DUOX2: variants seen among roughly 807,000 people sequenced by gnomAD.
DUOX2 encodes dual oxidase 2.
In DUOX2, 185 loss-of-function variants were observed where a neutral mutation model predicts 183.3. That is an observed-to-expected ratio of 1.01 (90% CI 0.90 to 1.14). The LOEUF (loss-of-function observed/expected upper bound fraction) is 1.14. Ranked by LOEUF, DUOX2 falls within the 50% of genes most tolerant of loss-of-function variation. The pLI, the probability that DUOX2 is intolerant of heterozygous loss-of-function variation, is 0.00. For missense variants in DUOX2, 1,999 were observed against 2,022.9 expected (o/e 0.99, Z 0.23); for synonymous variants, 788 against 812.4 (o/e 0.97, Z 0.51).
chr15:45,112,203 G>A (rs1894446639), intron 4 of DUOX2, among the ~76,000 whole-genome samples: 1 of 152,180 alleles, frequency 6.6e-6, no homozygotes, highest in Non-Finnish European at 1.5e-5. Context: ...TTATGTAGGG[G>A]TACCCCAAGT....
chr15:45,097,159 G>A (rs1178375056), intron 29 of DUOX2, 79 bp downstream of exon 29: 12 of 1,600,566 alleles, frequency 7.5e-6, no homozygotes, highest in Non-Finnish European at 1.0e-5. Flanking sequence ...ATGGGGTCAG[G>A]AGACCTGGTG....
chr15:45,105,779 A>G lies in DUOX2; in HGVS notation c.2198T>C (p.Leu733Pro). 2 of 1,614,242 alleles carry G rather than the reference A, an allele frequency of 1.2e-6. No individual in the cohort carries two copies. Among genetic ancestry groups the G allele is most frequent in the Non-Finnish European group, 1.7e-6 (2 of 1,180,038 alleles). Residue 733 changes from leucine (L) to proline (P), a missense_variant, in exon 18 of 34, where the codon CTA becomes CCA. By Grantham distance (98) the Leu-to-Pro change is moderately conservative (BLOSUM62 -3). Transcript: ENST00000389039. ...EEERGAFVQQLWDFCVRWALG... is the reference protein window; with the variant it reads ...EEERGAFVQQPWDFCVRWALG... Reference sequence around the variant, plus strand: ...AGCCCAGCGCACGCAGAAGTCCCATAGCTGCTGCACAAAGGCGCCCCGTTC... The same window carrying G: ...AGCCCAGCGCACGCAGAAGTCCCATGGCTGCTGCACAAAGGCGCCCCGTTC...
chr15:45,109,199 A>G (rs1894312492), intron 11 of DUOX2: 1 of 614,756 alleles, frequency 1.6e-6, no homozygotes, highest in African/African-American at 1.8e-5. Context: ...CCAAGCAGTA[A>G]ATTCCCTGTC....
rs1169208524 is a variant in DUOX2 at position 45,097,283 on chromosome 15, T to G, written c.3802A>C (p.Lys1268Gln). The G allele has an allele frequency of 6.2e-7, 1 of 1,614,226 alleles. No individual in the cohort carries two copies. Among genetic ancestry groups the G allele is most frequent in the African/African-American group, 1.3e-5 (1 of 75,054 alleles). The change falls in exon 29 of 34, where the codon AAG (lysine) becomes CAG (glutamine). Residue 1268 changes from lysine (K) to glutamine (Q), a missense_variant. By Grantham distance (53) the Lys-to-Gln change is moderately conservative (BLOSUM62 1). Transcript: ENST00000389039. ...GGDKLVSLSRKKVEISVVKAE... is the reference protein window; with the variant it reads ...GGDKLVSLSRQKVEISVVKAE... ...TTCACCACGCTGATCTCCACCTTCT[T>G]CCGGCTCAGGCTCACCAGCTTGTCA...
At chr15:45,102,681 G>T (rs1894112336) in intron 20 of DUOX2, among the ~76,000 whole-genome samples, 1 of 152,196 alleles carries the variant, frequency 6.6e-6, no homozygotes, top group Non-Finnish European at 1.5e-5. Flanking sequence ...CTGAGTTACA[G>T]GACAAGAAGG....
At position 45,095,940 on chromosome 15, in the gene DUOX2, G is replaced by A. The variant is rs78020568; in HGVS notation, c.3968C>T (p.Ala1323Val). ...CAGGCTGAGTGTGTCCTCATGGGGC[G>A]CGGAGGTCAGTGTGAAGGGGTGGTA... ...TEYHPFTLTS[A>V]PHEDTLSLHI... The change falls in exon 30 of 34, where the codon GCG becomes GTG. Residue 1323 changes from alanine (A) to valine (V), a missense_variant. Transcript: ENST00000389039. 47 of 1,614,032 alleles carry A rather than the reference G, an allele frequency of 2.9e-5. No homozygotes were observed. In the East Asian group the frequency reaches 4.0e-4, roughly 14 times the overall value.
chr15:45,110,608 C>T, intron 8 of DUOX2, 42 bp downstream of exon 8: 3 of 1,613,688 alleles, frequency 1.9e-6, no homozygotes, highest in South Asian at 2.2e-5. Context: ...TCCTTCCCCT[C>T]AGGATTCTCC....
At chr15:45,105,580 G>T in intron 18 of DUOX2, 63 bp downstream of exon 18, 2 of 1,601,644 alleles carry the variant, frequency 1.2e-6, no homozygotes, top group Non-Finnish European at 8.5e-7. Flanking sequence ...GGCGTTCTAT[G>T]CAGCCCAGGT....
Position 45,092,954 on chromosome 15 carries a change from G to A in DUOX2, c.*1196C>T, listed in dbSNP as rs571911355. ...GGAGACGAAGTGGAAGGGGGTACAA[G>A]GGGAGTTTCTGGGGTGATGGAAATG... is the stretch of plus-strand genomic sequence containing the variant. On this transcript the variant is annotated 3_prime_UTR_variant, in exon 34 of 34. Transcript: ENST00000389039. 2.3e-4 allele frequency: 35 copies of A among 152,316 alleles called. No homozygotes were observed. The highest frequency in any genetic ancestry group is 8.4e-4 in the African/African-American group (35 of 41,582). 9.4% of individuals were successfully genotyped at this position (152,316 alleles called of 1,614,324 possible).
At chr15:45,094,433 C>T (rs1893846008) in intron 33 of DUOX2, 130 bp downstream of exon 33, 1 of 1,519,998 alleles carries the variant, frequency 6.6e-7, no homozygotes. Context: ...CCTTTAACAG[C>T]TGACCTCATC....
At position 45,094,010 on chromosome 15, in the gene DUOX2, C is replaced by T; in HGVS notation, c.*140G>A. 1 of 1,120,080 alleles carries T rather than the reference C, an allele frequency of 8.9e-7. No individual in the cohort carries two copies. Among genetic ancestry groups the T allele is most frequent in the Non-Finnish European group, 1.3e-6 (1 of 746,824 alleles). The allele number at this position is 1,120,080 out of a possible 1,614,324, so 69.4% of individuals were successfully genotyped here. A position where few individuals can be genotyped will look rare whatever the true frequency, so the allele number is the denominator to read the frequency against. ...TATAATTGTCTGGGTCAATATTCTCCCAATATTGGGAGGGGCTCTGCAGCC... is the reference window on the plus strand; with the variant it reads ...TATAATTGTCTGGGTCAATATTCTCTCAATATTGGGAGGGGCTCTGCAGCC... On this transcript the variant is annotated 3_prime_UTR_variant, in exon 34 of 34. Coordinates refer to ENST00000389039, the MANE Select transcript of DUOX2 (RefSeq NM_001363711.2).
chr15:45,097,176 C>T, intron 29 of DUOX2, 62 bp downstream of exon 29: 1 of 1,610,404 alleles, frequency 6.2e-7, no homozygotes, highest in South Asian at 1.1e-5. Flanking sequence ...GGTGAACTGT[C>T]TCCCCATGTC....
In DUOX2 at chr15:45,111,972, C is replaced by G. The variant is rs762555393; in HGVS notation, c.326-17G>C. ...CATGGTAGCCTGCGGGCATGGGGCG[C>G]CAATACGTGACAAACCGTCCGTATT... On this transcript the variant is annotated splice_polypyrimidine_tract_variant and intron_variant, in intron 4 of 33. Transcript: ENST00000389039. 1.2e-6 allele frequency: 2 copies of G among 1,612,692 alleles called. No individual in the cohort carries two copies. Among genetic ancestry groups the G allele is most frequent in the Non-Finnish European group, 1.7e-6 (2 of 1,179,672 alleles).
At chr15:45,113,291 C>T (rs1407870774) in intron 2 of DUOX2, 51 bp downstream of exon 2, 1 of 1,540,362 alleles carries the variant, frequency 6.5e-7, no homozygotes, top group Non-Finnish European at 8.8e-7. Flanking sequence ...CCCGCCCCAC[C>T]TCCCAGGGAT....
At chr15:45,102,980 AAAAC>A (rs767689044) in intron 20 of DUOX2, among the ~76,000 whole-genome samples, 20 of 152,272 alleles carry the variant, frequency 1.3e-4, no homozygotes, top group East Asian at 1.2e-3. Flanking sequence ...ACTCCGTCTC[AAAAC>A]AAACAAACAA....
rs143247010 is a variant in DUOX2, at chr15:45,112,989, A to T, written c.158T>A (p.Val53Asp). ...NNLRHHERGA[V>D]GCRLQRRVPA... is the part of the protein sequence containing the mutation. Reference sequence around the variant, plus strand: ...ACGCCCGGGCCCCCAGAACGCACCAACAGCACCACGCTCGTGGTGCCTCAG... The same window carrying T: ...ACGCCCGGGCCCCCAGAACGCACCATCAGCACCACGCTCGTGGTGCCTCAG... Residue 53 changes from valine (V) to aspartate (D), a missense_variant and splice_region_variant, in exon 3 of 34, where the codon GTT (valine) becomes GAT (aspartate). By Grantham distance (152) the Val-to-Asp change is radical. Coordinates refer to ENST00000389039, the MANE Select transcript of DUOX2 (RefSeq NM_001363711.2). 1 of 1,613,374 alleles carries T rather than the reference A, an allele frequency of 6.2e-7. No individual in the cohort carries two copies. Among genetic ancestry groups the T allele is most frequent in the Non-Finnish European group, 8.5e-7 (1 of 1,179,828 alleles).
Position 45,103,741 on chromosome 15 carries a change from G to T in DUOX2, c.2654+219C>A, listed in dbSNP as rs191038967. 4.9e-3 allele frequency among the ~76,000 whole-genome samples: 739 copies of T among 151,760 alleles called. 3 individuals carry two copies. The highest frequency in any genetic ancestry group is 6.4e-3 in the Non-Finnish European group (435 of 67,906). ...GTTTTTTAACTAGGGAGGCTTTTCTGGCTGGTGTTGACAGTCCAGACAGAG... is the reference window on the plus strand; with the variant it reads ...GTTTTTTAACTAGGGAGGCTTTTCTTGCTGGTGTTGACAGTCCAGACAGAG... On this transcript the variant is annotated intron_variant, in intron 20 of 33. Coordinates refer to ENST00000389039, the MANE Select transcript of DUOX2 (RefSeq NM_001363711.2).
chr15:45,097,254 C>T lies in DUOX2; in HGVS notation c.3831G>A (p.Ala1277=), dbSNP rs574030530. ...RKKVEISVVK[A]ELLPSGVTYL... is the part of the protein sequence containing the mutation. ...GCCTGATACCTGAGGGCAGCAGCTCCGCCTTCACCACGCTGATCTCCACCT... is the reference window on the plus strand; with the variant it reads ...GCCTGATACCTGAGGGCAGCAGCTCTGCCTTCACCACGCTGATCTCCACCT... Residue 1277 remains alanine (A), a synonymous_variant, in exon 29 of 34, where the codon GCG becomes GCA. Transcript: ENST00000389039. The T allele has an allele frequency of 3.4e-5, 55 of 1,614,186 alleles. No individual in the cohort carries two copies. Among genetic ancestry groups the T allele is most frequent in the Middle Eastern group, 1.6e-4 (1 of 6,062 alleles).
At chr15:45,109,669 C>T (rs1894325424) in intron 10 of DUOX2, 43 bp from the exon 11 acceptor site, 7 of 1,598,116 alleles carry the variant, frequency 4.4e-6, no homozygotes, top group African/African-American at 1.3e-5. Flanking sequence ...CTACCCAAAA[C>T]TCGGTCTCTC....
Sources: allele counts gnomAD v4.1 joint callset (sites outside exome capture counted in the v4.1 genomes callset), GRCh38; gene constraint gnomAD v4.1.1; transcripts MANE v1.5; gene names NCBI Gene and HGNC (gene_info 2026-07-23, HGNC 2026-07-21).